Variants in PRELID2 observed in about 807,000 individuals in gnomAD.
PRELID2 encodes the protein PRELI domain-containing protein 2.
A neutral mutation model predicts 28.4 loss-of-function variants in PRELID2; 25 were observed. That is an observed-to-expected ratio of 0.88 (90% confidence interval 0.64 to 1.23). PRELID2 has a LOEUF of 1.23. Among genes scored for constraint, PRELID2 ranks in the 50% most tolerant of loss-of-function variants. The pLI, the probability that PRELID2 is intolerant of heterozygous loss-of-function variation, is 0.00. For missense variants in PRELID2, 201 were observed against 214.4 expected (o/e 0.94, Z 0.39); for synonymous variants, 76 against 71.6 (o/e 1.06, Z -0.31).
the PRELID2 span, among the ~76,000 whole-genome samples, chr5:145,273,872 C>T: frequency 6.6e-6 from 1 of 151,958 alleles, no homozygotes; most frequent in Non-Finnish European, 1.5e-5. Flanking sequence ...GGTAAGTGGC[C>T]ATAGGCATAG....
the PRELID2 span, among the ~76,000 whole-genome samples, chr5:145,285,944 A>T: frequency 1.3e-5 from 2 of 152,198 alleles, no homozygotes; most frequent in African/African-American, 2.4e-5. Flanking sequence ...GAGGCTAAGG[A>T]CTGGTTGCTG....
At chr5:145,813,927 A>G (rs1295433634) in intron 4 of PRELID2, among the ~76,000 whole-genome samples, 1 of 152,232 alleles carries the variant, frequency 6.6e-6, no homozygotes, top group Non-Finnish European at 1.5e-5. Flanking sequence ...GTGGGAAAAT[A>G]TGTAATCATA....
chr5:145,408,314 G>C, the PRELID2 span, among the ~76,000 whole-genome samples: 5 of 150,952 alleles, frequency 3.3e-5, no homozygotes, highest in Admixed American at 3.3e-4. Context: ...TCTCTAAATT[G>C]CCAGGTAAAT....
At position 145,635,132 on chromosome 5, in the gene PRELID2, C is replaced by T. The variant is rs143508464; in HGVS notation, n.70+129799G>A. Among the ~76,000 whole-genome samples the T allele has an allele frequency of 1.3e-3, 194 of 152,288 alleles. 2 individuals carry two copies. The highest frequency in any genetic ancestry group is 4.6e-3 in the African/African-American group (190 of 41,558). On this transcript the variant is annotated intron_variant and non_coding_transcript_variant, in intron 1 of 2. Transcript: ENST00000510259. ...GCAGATTTGATCTCTGCATCCCTCTCGTCCTTAAAGTATGGTGCTTCTACC... is the reference window on the plus strand; with the variant it reads ...GCAGATTTGATCTCTGCATCCCTCTTGTCCTTAAAGTATGGTGCTTCTACC...
intron 5 of PRELID2, among the ~76,000 whole-genome samples, chr5:145,782,906 C>A (rs1751729196): frequency 1.3e-5 from 2 of 152,112 alleles, no homozygotes; most frequent in South Asian, 2.1e-4. Context: ...TGAAAATGAC[C>A]TACCCAGTTA....
At chr5:145,706,119 A>G (rs1755540145) in intron 1 of PRELID2, among the ~76,000 whole-genome samples, 1 of 152,236 alleles carries the variant, frequency 6.6e-6, no homozygotes, top group African/African-American at 2.4e-5. Flanking sequence ...AAAAAGGTTA[A>G]GTCATAAAGT....
chr5:145,664,534 T>C (rs1388311370), intron 1 of PRELID2, among the ~76,000 whole-genome samples: 1 of 152,126 alleles, frequency 6.6e-6, no homozygotes, highest in Non-Finnish European at 1.5e-5. Context: ...GGAACACAGC[T>C]CTTCTCTGCT....
chr5:145,639,773 G>A (rs1754066933), intron 1 of PRELID2, among the ~76,000 whole-genome samples: 1 of 152,102 alleles, frequency 6.6e-6, no homozygotes, highest in African/African-American at 2.4e-5. Flanking sequence ...AAGTAGGTGC[G>A]AGCTGAGAGG....
At chr5:145,462,154 A>T in the PRELID2 span, among the ~76,000 whole-genome samples, 2 of 152,208 alleles carry the variant, frequency 1.3e-5, no homozygotes, top group South Asian at 4.1e-4. Context: ...ATAGTACGTA[A>T]GCATGACAAA....
At chr5:145,411,805 G>A in the PRELID2 span, among the ~76,000 whole-genome samples, 3 of 152,214 alleles carry the variant, frequency 2.0e-5, no homozygotes, top group Non-Finnish European at 2.9e-5. Flanking sequence ...TGGACATCTA[G>A]ACATTCCCAT....
At chr5:145,518,464 C>T (rs1752538158) in intron 1 of PRELID2, among the ~76,000 whole-genome samples, 1 of 152,134 alleles carries the variant, frequency 6.6e-6, no homozygotes, top group African/African-American at 2.4e-5. Context: ...TCCCAAAGGG[C>T]TGGGATTACA....
At chr5:145,242,409 A>G in the PRELID2 span, among the ~76,000 whole-genome samples, 3 of 151,992 alleles carry the variant, frequency 2.0e-5, no homozygotes, top group Admixed American at 2.0e-4. Context: ...ATCATGCTCC[A>G]CAATGAGTTT....
At chr5:145,413,447 A>T in the PRELID2 span, among the ~76,000 whole-genome samples, 1 of 152,208 alleles carries the variant, frequency 6.6e-6, no homozygotes, top group Non-Finnish European at 1.5e-5. Context: ...CTAAAAGTAG[A>T]ACTACCATTT....
intron 1 of PRELID2, among the ~76,000 whole-genome samples, chr5:145,702,194 A>G (rs913048608): frequency 1.3e-5 from 2 of 152,150 alleles, no homozygotes; most frequent in African/African-American, 4.8e-5. Context: ...TAAAAAGGAT[A>G]TTTTCATAAG....
chr5:145,764,665 G>A (rs1757637241), intron 6 of PRELID2, among the ~76,000 whole-genome samples: 1 of 152,138 alleles, frequency 6.6e-6, no homozygotes, highest in Non-Finnish European at 1.5e-5. Context: ...ACACCTTGAG[G>A]CTCTCAATCA....
the PRELID2 span, among the ~76,000 whole-genome samples, chr5:145,357,665 A>G: frequency 6.6e-6 from 1 of 152,026 alleles, no homozygotes; most frequent in East Asian, 1.9e-4. Context: ...TATTTCTTAG[A>G]TTCCTTGGAT....
At chr5:145,603,476 T>TA (rs1370692675) in intron 1 of PRELID2, among the ~76,000 whole-genome samples, 1 of 152,122 alleles carries the variant, frequency 6.6e-6, no homozygotes, top group African/African-American at 2.4e-5. Context: ...ATGTATGCTT[T>TA]AAACATGGAA....
chr5:145,462,776 A>G, the PRELID2 span, among the ~76,000 whole-genome samples: 7 of 152,318 alleles, frequency 4.6e-5, no homozygotes, highest in Admixed American at 2.6e-4. Flanking sequence ...GACACTCTCC[A>G]TACGGTTACT....
the PRELID2 span, among the ~76,000 whole-genome samples, chr5:145,316,350 TTTC>T: frequency 6.6e-6 from 1 of 152,210 alleles, no homozygotes; most frequent in Non-Finnish European, 1.5e-5. Context: ...GACATATGTA[TTTC>T]TTGTTTCAAT....
Sources: allele counts gnomAD v4.1 joint callset (sites outside exome capture counted in the v4.1 genomes callset), GRCh38; gene constraint gnomAD v4.1.1; transcripts MANE v1.5; gene names NCBI Gene and HGNC (gene_info 2026-07-23, HGNC 2026-07-21).